CCDC171: variants seen among roughly 807,000 people sequenced by gnomAD.
CCDC171 encodes the protein coiled-coil domain-containing protein 171.
A neutral mutation model predicts 168.2 loss-of-function variants in CCDC171; 177 were observed. The observed-to-expected ratio is 1.05, with a 90% CI of 0.93 to 1.19. The LOEUF (loss-of-function observed/expected upper bound fraction) is 1.19. Among genes scored for constraint, CCDC171 ranks in the 50% most tolerant of loss-of-function variants. The pLI, the probability that CCDC171 is intolerant of heterozygous loss-of-function variation, is 0.00. For synonymous variants in CCDC171, 687 were observed against 540.8 expected, an observed-to-expected ratio of 1.27 and a Z score of -3.75; for missense variants, 1,991 against 1,539.0, an observed-to-expected ratio of 1.29 and a Z score of -4.91.
At position 15,874,564 on chromosome 9, in the gene CCDC171, G is replaced by C. The variant is rs375368358; in HGVS notation, c.3501G>C (p.Ala1167=). 7 of 1,606,674 alleles carry C rather than the reference G, an allele frequency of 4.4e-6. No homozygotes were observed. Among genetic ancestry groups the C allele is most frequent in the Non-Finnish European group, 5.9e-6 (7 of 1,176,710 alleles). ...ATCAGATCTCGCTGTCATGGTCTGCGGCAAGTAGGAATGACTTCACCCTAC... is the reference window on the plus strand; with the variant it reads ...ATCAGATCTCGCTGTCATGGTCTGCCGCAAGTAGGAATGACTTCACCCTAC... The part of the protein sequence containing the change: ...VRDQISLSWS[A]ASRNDFTLQL... The change falls in exon 24 of 26, where the codon GCG becomes GCC. Residue 1167 remains alanine (A), a synonymous_variant. Transcript: ENST00000380701.
At chr9:15,611,717 G>A (rs1021421878) in intron 6 of CCDC171, among the ~76,000 whole-genome samples, 1 of 152,146 alleles carries the variant, frequency 6.6e-6, no homozygotes, top group African/African-American at 2.4e-5. Flanking sequence ...GGATATGGAG[G>A]GGGATTTTTC....
chr9:15,784,716 T>A, intron 21 of CCDC171, 22 bp downstream of exon 21: 1 of 1,564,506 alleles, frequency 6.4e-7, no homozygotes, highest in Non-Finnish European at 8.8e-7. Context: ...AAGGGATATT[T>A]GCATAAAGGG....
At chr9:15,670,289 T>C (rs2049022092) in intron 9 of CCDC171, among the ~76,000 whole-genome samples, 1 of 152,186 alleles carries the variant, frequency 6.6e-6, no homozygotes, top group Non-Finnish European at 1.5e-5. Context: ...GTGTATTGTG[T>C]GTGTAATGAC....
intron 7 of CCDC171, among the ~76,000 whole-genome samples, chr9:15,647,220 C>G (rs1191404626): frequency 6.6e-6 from 1 of 152,052 alleles, no homozygotes; most frequent in Non-Finnish European, 1.5e-5. Flanking sequence ...AAAGACACAA[C>G]ATACCAGAAT....
chr9:15,757,745 C>T (rs548999969), intron 18 of CCDC171, among the ~76,000 whole-genome samples: 1 of 152,180 alleles, frequency 6.6e-6, no homozygotes, highest in Non-Finnish European at 1.5e-5. Context: ...GTGCTGTGGT[C>T]AGCCTAGGGG....
At chr9:15,950,793 T>G (rs934415787) in intron 25 of CCDC171, among the ~76,000 whole-genome samples, 1 of 151,370 alleles carries the variant, frequency 6.6e-6, no homozygotes, top group Non-Finnish European at 1.5e-5. Flanking sequence ...TAAATGTAAA[T>G]GGACCAAATG....
chr9:15,793,551 G>GTTTTTTTTTTTTTTTTTT (rs3082839), intron 21 of CCDC171, among the ~76,000 whole-genome samples: 1 of 77,060 alleles, frequency 1.3e-5, no homozygotes, highest in African/African-American at 6.4e-5. Flanking sequence ...TTATTCCAAG[G>GTTTTTTTTTTTTTTTTTT]TTTTTTTTTT....
chr9:16,000,767 T>C (rs1320634111), intron 3 of CCDC171, among the ~76,000 whole-genome samples: 1 of 152,094 alleles, frequency 6.6e-6, no homozygotes, highest in Non-Finnish European at 1.5e-5. Flanking sequence ...CAGAAGTGTA[T>C]GACAACTACT....
chr9:15,683,989 G>A (rs2050213054), intron 10 of CCDC171, among the ~76,000 whole-genome samples: 1 of 152,070 alleles, frequency 6.6e-6, no homozygotes, highest in African/African-American at 2.4e-5. Flanking sequence ...GGTAAACAAG[G>A]TGGTAGGGAA....
intron 11 of CCDC171, 44 bp downstream of exon 11, chr9:15,695,381 C>T (rs1288471279): frequency 1.4e-6 from 2 of 1,427,794 alleles, no homozygotes; most frequent in Admixed American, 1.7e-5. Context: ...GTCAATGTTC[C>T]AAAGTCACTA....
rs76789932 is a variant in CCDC171, at chr9:15,724,726, C to T, written c.1492-50C>T. On this transcript the variant is annotated intron_variant, in intron 13 of 25. Transcript: ENST00000380701. ...GTGTTTTATACTAGTGTCCCCTCAC[C>T]CCTTGTTGGCTGGCCTTTCTACAAT... 202 of 1,264,526 alleles carry T rather than the reference C, an allele frequency of 1.6e-4. 1 individual carries two copies. The African/African-American group carries it at 2.9e-3, about 18-fold the overall frequency. 78.3% of individuals were successfully genotyped at this position (1,264,526 alleles called of 1,614,324 possible).
intron 2 of CCDC171, among the ~76,000 whole-genome samples, chr9:15,565,061 A>G (rs1389553231): frequency 1.3e-5 from 2 of 148,258 alleles, no homozygotes; most frequent in Admixed American, 1.4e-4. Flanking sequence ...TTTTCCACTT[A>G]GCTTTTGAAG....
In CCDC171 at chr9:15,744,459, T is replaced by C. The variant is rs1167230607; in HGVS notation, c.2236T>C (p.Cys746Arg). Residue 746 changes from cysteine to arginine, a missense_variant, in exon 17 of 26, where the codon TGC becomes CGC. Coordinates refer to ENST00000380701, the MANE Select transcript of CCDC171 (RefSeq NM_173550.4). ...GALYPLYSRS[C>R]ALSTQRDFLQ... ...CTTATATCCCCTCTATAGCCGATCA[T>C]GCGCCTTGTCTACACAGAGAGATTT... 3 of 1,614,100 alleles carry C rather than the reference T, an allele frequency of 1.9e-6. No individual in the cohort carries two copies. The highest frequency in any genetic ancestry group is 2.5e-6 in the Non-Finnish European group (3 of 1,180,016).
chr9:15,747,950 C>G (rs775153796), intron 18 of CCDC171, among the ~76,000 whole-genome samples: 2 of 152,104 alleles, frequency 1.3e-5, no homozygotes, highest in Non-Finnish European at 2.9e-5. Flanking sequence ...ACAAACTTCT[C>G]CGAGCTAAAG....
At chr9:15,999,828 G>A (rs1243377786) in intron 3 of CCDC171, among the ~76,000 whole-genome samples, 1 of 152,150 alleles carries the variant, frequency 6.6e-6, no homozygotes, top group Non-Finnish European at 1.5e-5. Context: ...ATCTGGAGAC[G>A]GGGGAGAGGA....
At chr9:15,993,522 A>G (rs1393462173) in intron 3 of CCDC171, among the ~76,000 whole-genome samples, 2 of 152,234 alleles carry the variant, frequency 1.3e-5, no homozygotes. Context: ...ACCATTCAGG[A>G]CATAGGCATG....
intron 11 of CCDC171, among the ~76,000 whole-genome samples, chr9:15,715,657 C>G (rs1588113686): frequency 6.6e-6 from 1 of 152,246 alleles, no homozygotes; most frequent in Non-Finnish European, 1.5e-5. Flanking sequence ...TGTATTCTCC[C>G]TCCATTATTT....
At chr9:15,809,294 C>T (rs112189574) in intron 21 of CCDC171, among the ~76,000 whole-genome samples, 4 of 152,170 alleles carry the variant, frequency 2.6e-5, no homozygotes, top group African/African-American at 9.6e-5. Context: ...GCAGCACTGT[C>T]CAATATGGTA....
At chr9:15,627,962 G>C (rs1267683293) in intron 7 of CCDC171, among the ~76,000 whole-genome samples, 2 of 152,138 alleles carry the variant, frequency 1.3e-5, no homozygotes, top group East Asian at 1.9e-4. Flanking sequence ...AAGTCTCTTG[G>C]GTTAGACCCT....
Sources: allele counts gnomAD v4.1 joint callset (sites outside exome capture counted in the v4.1 genomes callset), GRCh38; gene constraint gnomAD v4.1.1; transcripts MANE v1.5; gene names NCBI Gene and HGNC (gene_info 2026-07-23, HGNC 2026-07-21).